The following EXOC6B variants were observed in gnomAD, a reference collection of about 807,000 sequenced individuals.
The protein encoded by EXOC6B is SEC15 homolog B.
EXOC6B carries 54 observed loss-of-function variants against 113.5 expected under a neutral mutation model. The ratio of observed to expected loss-of-function variants is 0.48; its 90% CI spans 0.38 to 0.60. The LOEUF (loss-of-function observed/expected upper bound fraction) is 0.60, where lower values mean the gene tolerates loss of function less well. Ranked by LOEUF, EXOC6B falls within the 20% of genes least tolerant of loss-of-function variation. The probability of loss-of-function intolerance (pLI) is 0.00; values close to 1 mark genes in which losing one functional copy is unlikely to be tolerated. For missense variants in EXOC6B, 797 were observed against 977.5 expected, an observed-to-expected ratio of 0.82 and a Z score of 2.46; for synonymous variants, 357 against 339.0, an observed-to-expected ratio of 1.05 and a Z score of -0.58.
rs59339550 is a variant in EXOC6B, at chr2:72,758,166, CAAAAA to C, written c.114-16702_114-16698del. Among the ~76,000 whole-genome samples, 3 of 93,818 alleles carry C rather than the reference CAAAAA, an allele frequency of 3.2e-5. No homozygotes were observed. In the East Asian group the frequency reaches 1.0e-3, roughly 32 times the overall value. The allele number at this position is 93,818 out of a possible 152,430, so 61.5% of individuals were successfully genotyped here. On this transcript the variant is annotated intron_variant, in intron 1 of 21. Coordinates refer to ENST00000272427, the MANE Select transcript of EXOC6B (RefSeq NM_015189.3). ...TGACAGAATGAGTGAGACTCTGTCT[CAAAAA>C]AAAAAAAAAAAAAAAAGTACATATA...
chr2:72,612,006 G>A, intron 6 of EXOC6B, among the ~76,000 whole-genome samples: 1 of 152,128 alleles, frequency 6.6e-6, no homozygotes, highest in Non-Finnish European at 1.5e-5. Context: ...CTTGGGGCCA[G>A]GCGTGGTGGC....
At chr2:72,678,621 G>A (rs995466671) in intron 6 of EXOC6B, among the ~76,000 whole-genome samples, 1 of 152,116 alleles carries the variant, frequency 6.6e-6, no homozygotes, top group African/African-American at 2.4e-5. Flanking sequence ...CACAAGAATT[G>A]CTTGAGCCCA....
intron 18 of EXOC6B, among the ~76,000 whole-genome samples, chr2:72,457,950 C>CCT (rs1230805402): frequency 2.0e-5 from 3 of 151,992 alleles, no homozygotes; most frequent in Non-Finnish European, 4.4e-5. Flanking sequence ...TCTCCCTCTC[C>CCT]CTCTCTCTCT....
intron 6 of EXOC6B, among the ~76,000 whole-genome samples, chr2:72,638,294 G>A (rs1176397971): frequency 6.6e-6 from 1 of 152,036 alleles, no homozygotes; most frequent in East Asian, 1.9e-4. Context: ...AACTTACTAG[G>A]GTTGAACAAT....
Position 72,825,673 on chromosome 2 carries a change from G to T in EXOC6B, c.113+125C>A. 1 of 1,210,432 alleles carries T rather than the reference G, an allele frequency of 8.3e-7. No homozygotes were observed. Among genetic ancestry groups the T allele is most frequent in the Non-Finnish European group, 1.1e-6 (1 of 914,500 alleles). 75.0% of individuals were successfully genotyped at this position (1,210,432 alleles called of 1,614,324 possible). A position where few individuals can be genotyped will look rare whatever the true frequency, so the allele number is the denominator to read the frequency against. ...AAGGGAGACCCGCCTCGCCCGGTAT[G>T]CAGGGTCTCTCCGAAGGGAGGGGCC... On this transcript the variant is annotated intron_variant, in intron 1 of 21. Transcript: ENST00000272427. The surrounding 1 kb of genome is among the most constrained non-coding windows in gnomAD (Gnocchi z 4.4).
At chr2:72,515,575 C>T (rs1236605025) in intron 8 of EXOC6B, 29 of 1,005,652 alleles carry the variant, frequency 2.9e-5, no homozygotes, top group Middle Eastern at 5.0e-4. Context: ...GAATTGAGAA[C>T]AGTAAATTAG....
intron 1 of EXOC6B, among the ~76,000 whole-genome samples, chr2:72,784,864 A>G (rs1684278791): frequency 6.6e-6 from 1 of 152,110 alleles, no homozygotes; most frequent in Non-Finnish European, 1.5e-5. Context: ...AGTCCCCCAA[A>G]GTCTCTACTC....
At chr2:72,360,132 A>C (rs1296217151) in intron 19 of EXOC6B, among the ~76,000 whole-genome samples, 1 of 151,906 alleles carries the variant, frequency 6.6e-6, no homozygotes, top group African/African-American at 2.4e-5. Context: ...CTGCCACCCA[A>C]GTTGGAGTGC....
intron 20 of EXOC6B, among the ~76,000 whole-genome samples, chr2:72,252,988 A>G (rs1683123601): frequency 6.6e-6 from 1 of 152,184 alleles, no homozygotes; most frequent in Non-Finnish European, 1.5e-5. Context: ...TATCCAATCT[A>G]TAAGGAACTT....
At chr2:72,227,201 A>G in intron 20 of EXOC6B, among the ~76,000 whole-genome samples, 1 of 152,204 alleles carries the variant, frequency 6.6e-6, no homozygotes, top group Admixed American at 6.5e-5. Flanking sequence ...TAATAAGCAA[A>G]TCCAACTATA....
chr2:72,301,328 G>A (rs941988686), intron 20 of EXOC6B, among the ~76,000 whole-genome samples: 1 of 152,176 alleles, frequency 6.6e-6, no homozygotes, highest in African/African-American at 2.4e-5. Flanking sequence ...TTATGTCTCT[G>A]CCAGGTTTTG....
chr2:72,201,233 A>G (rs1679471238), intron 20 of EXOC6B, among the ~76,000 whole-genome samples: 1 of 152,034 alleles, frequency 6.6e-6, no homozygotes, highest in African/African-American at 2.4e-5. Context: ...TTAACTGCCA[A>G]ATAGTGTTTT....
chr2:72,237,390 T>C (rs1268796724), intron 20 of EXOC6B, among the ~76,000 whole-genome samples: 2 of 152,100 alleles, frequency 1.3e-5, no homozygotes, highest in Non-Finnish European at 2.9e-5. Flanking sequence ...AAAATAAGTA[T>C]GCAAATTTCA....
chr2:72,502,874 T>C lies in EXOC6B; in HGVS notation c.1168-2902A>G, dbSNP rs897574382. Among the ~76,000 whole-genome samples, 48 of 152,194 alleles carry C rather than the reference T, an allele frequency of 3.2e-4. 1 individual carries two copies. On this transcript the variant is annotated intron_variant, in intron 11 of 21. Coordinates refer to ENST00000272427, the MANE Select transcript of EXOC6B (RefSeq NM_015189.3). ...TTGTTTCTTAACTTTCCTTTCCTAT[T>C]TTCTGTCTCTGTGTCTTTGCTCTCT...
intron 6 of EXOC6B, among the ~76,000 whole-genome samples, chr2:72,652,737 A>AT (rs1674281056): frequency 1.3e-5 from 2 of 148,164 alleles, no homozygotes; most frequent in Non-Finnish European, 3.0e-5. Context: ...ATATAATTAT[A>AT]CTCTATATCT....
intron 20 of EXOC6B, among the ~76,000 whole-genome samples, chr2:72,295,234 A>G (rs943361730): frequency 9.2e-5 from 14 of 151,596 alleles, no homozygotes; most frequent in African/African-American, 2.7e-4. Flanking sequence ...CATCTCAAAA[A>G]AAAAAAAAAA....
chr2:72,606,540 G>A (rs1573475627), intron 6 of EXOC6B, among the ~76,000 whole-genome samples: 1 of 151,812 alleles, frequency 6.6e-6, no homozygotes, highest in Non-Finnish European at 1.5e-5. Context: ...ACCAGCCTAA[G>A]CAAAACAGTA....
intron 16 of EXOC6B, among the ~76,000 whole-genome samples, chr2:72,483,243 G>T (rs1185831965): frequency 6.6e-6 from 1 of 152,128 alleles, no homozygotes; most frequent in African/African-American, 2.4e-5. Flanking sequence ...TGAGTGGGAA[G>T]GTGGCTACTG....
chr2:72,777,601 C>T (rs1361420421), intron 1 of EXOC6B, among the ~76,000 whole-genome samples: 4 of 152,002 alleles, frequency 2.6e-5, no homozygotes, highest in Non-Finnish European at 4.4e-5. Context: ...AGAAAAAACA[C>T]TAAATGGTAA....
Sources: allele counts gnomAD v4.1 joint callset (sites outside exome capture counted in the v4.1 genomes callset), GRCh38; gene constraint gnomAD v4.1.1; non-coding constraint Gnocchi (gnomAD v3.1); transcripts MANE v1.5; gene names NCBI Gene and HGNC (gene_info 2026-07-23, HGNC 2026-07-21).